Variants in BCR observed in about 807,000 individuals in gnomAD.
BCR encodes breakpoint cluster region protein.
A neutral mutation model predicts 138.6 loss-of-function variants in BCR; 58 were observed. That is an observed-to-expected ratio of 0.42 (90% CI 0.34 to 0.52). The LOEUF is 0.52. BCR is among the 20% of genes least tolerant of loss of function. The probability of loss-of-function intolerance (pLI) is 0.06; values close to 1 mark genes in which losing one functional copy is unlikely to be tolerated. For synonymous variants in BCR, 786 were observed against 730.1 expected (o/e 1.08, Z -1.23); for missense variants, 1,599 against 1,727.2 (o/e 0.93, Z 1.32).
At chr22:23,287,669 G>A (rs7291469) in intron 11 of BCR, among the ~76,000 whole-genome samples, 36,560 of 152,186 alleles carry the variant, frequency 0.24, 4,838 homozygotes, top group African/African-American at 0.32. Flanking sequence ...ATACATGTCT[G>A]TCAATGTCCA....
chr22:23,261,402 G>A lies in BCR; in HGVS notation c.1614G>A (p.Leu538=), dbSNP rs1162385015. ...KAAATTSQPV[L]TSQQIETIFF... is the part of the protein sequence containing the mutation. ...CTGCCACCACCTCTCAGCCGGTGCT[G>A]ACGAGTCAGCAGATCGAGACCATCT... Residue 538 remains leucine (L), a synonymous_variant, in exon 4 of 23, where the codon CTG becomes CTA. Transcript: ENST00000305877. 2 of 1,613,838 alleles carry A rather than the reference G, an allele frequency of 1.2e-6. No homozygotes were observed. The highest frequency in any genetic ancestry group is 1.7e-6 in the Non-Finnish European group (2 of 1,179,988).
In BCR at chr22:23,315,458, A is replaced by G. The variant is rs760456701; in HGVS notation, c.3752A>G (p.Gln1251Arg). The change falls in exon 23 of 23, where the codon CAG becomes CGG. Residue 1251 changes from glutamine to arginine, a missense_variant. Physicochemically the swap from Gln to Arg is conservative, Grantham distance 43 (BLOSUM62 1). This residue lies in a region of BCR where 177 missense variants were observed against 226.4 expected (regional missense o/e 0.78). Coordinates refer to ENST00000305877, the MANE Select transcript of BCR (RefSeq NM_004327.4). ...SQVQVLLYFL[Q>R]LEAIPAPDSK... ...GTCCAGGTGCTGCTGTACTTCCTGC[A>G]GCTGGAGGCCATCCCTGCCCCGGAC... 6.3e-5 allele frequency: 102 copies of G among 1,613,296 alleles called. No individual in the cohort carries two copies. Among genetic ancestry groups the G allele is most frequent in the East Asian group, 8.9e-5 (4 of 44,882 alleles).
intron 19 of BCR, 139 bp from the exon 20 acceptor site, chr22:23,312,748 T>C: frequency 1.4e-6 from 1 of 737,600 alleles, no homozygotes; most frequent in Non-Finnish European, 2.3e-6. Flanking sequence ...TTGGGAGGAG[T>C]CAGATGAGCT....
chr22:23,256,298 G>A (rs1310646400), intron 2 of BCR, among the ~76,000 whole-genome samples: 1 of 152,128 alleles, frequency 6.6e-6, no homozygotes, highest in Non-Finnish European at 1.5e-5. Flanking sequence ...AGTCTTTGGG[G>A]TGTCAGTGGA....
chr22:23,261,303 G>A, intron 3 of BCR, 52 bp from the exon 4 acceptor site: 11 of 1,560,252 alleles, frequency 7.1e-6, no homozygotes, highest in Middle Eastern at 1.7e-4. Context: ...CAATGCACCT[G>A]ACGGATGGCA....
intron 20 of BCR, among the ~76,000 whole-genome samples, chr22:23,313,223 C>A (rs1307254963): frequency 6.6e-6 from 1 of 152,200 alleles, no homozygotes; most frequent in African/African-American, 2.4e-5. Flanking sequence ...GGCTCCCTGT[C>A]CCTACTCCTC....
intron 1 of BCR, among the ~76,000 whole-genome samples, chr22:23,201,436 C>G (rs1336714735): frequency 1.3e-5 from 2 of 150,764 alleles, no homozygotes; most frequent in Non-Finnish European, 2.9e-5. Flanking sequence ...GTTTGCTTTT[C>G]TCTTCTCAGT....
At chr22:23,212,954 G>T (rs1286663580) in intron 1 of BCR, among the ~76,000 whole-genome samples, 2 of 152,208 alleles carry the variant, frequency 1.3e-5, no homozygotes, top group Non-Finnish European at 2.9e-5. Context: ...GCTTTAACTT[G>T]ATTCCTGGGA....
chr22:23,182,232 A>G lies in BCR; in HGVS notation c.1272A>G (p.Gly424=), dbSNP rs1185594575. The G allele has an allele frequency of 6.4e-7, 1 of 1,567,912 alleles. No individual in the cohort carries two copies. The highest frequency in any genetic ancestry group is 1.1e-5 in the South Asian group (1 of 88,450). Residue 424 remains glycine (G), a synonymous_variant, in exon 1 of 23, where the codon GGA becomes GGG. Coordinates refer to ENST00000305877, the MANE Select transcript of BCR (RefSeq NM_004327.4). ...ACGATGGCGAGGGCGCCTTCCATGG[A>G]GACGCAGGTGAGTTCCTCACGCCAC... is the stretch of plus-strand genomic sequence containing the variant. ...WPNDGEGAFH[G]DADGSFGTPP... is the part of the protein sequence containing the mutation.
intron 2 of BCR, among the ~76,000 whole-genome samples, chr22:23,260,519 G>T (rs1252194334): frequency 6.6e-6 from 1 of 152,156 alleles, no homozygotes; most frequent in East Asian, 1.9e-4. Context: ...CCCCAGGTGA[G>T]CAGTGGGGAG....
Position 23,315,551 on chromosome 22 carries a change from C to T in BCR, c.*29C>T. The T allele has an allele frequency of 1.9e-6, 3 of 1,599,456 alleles. No homozygotes were observed. The highest frequency in any genetic ancestry group is 2.2e-5 in the East Asian group (1 of 44,808). On this transcript the variant is annotated 3_prime_UTR_variant, in exon 23 of 23. Transcript: ENST00000305877. ...TCCCAGTCCATCTCCTGGAGGCGGA[C>T]AGATGGCCTGGAAACCTCTGGCTAA...
chr22:23,287,050 T>G, intron 10 of BCR, 109 bp from the exon 11 acceptor site: 1 of 1,528,356 alleles, frequency 6.5e-7, no homozygotes, highest in Non-Finnish European at 8.8e-7. Flanking sequence ...AGAGATGGGA[T>G]TCTTGCCCTC....
rs139521523 is a variant in BCR, at chr22:23,191,185, G to A, written c.1279+8946G>A. 2.6e-5 allele frequency among the ~76,000 whole-genome samples: 4 copies of A among 152,208 alleles called. No individual in the cohort carries two copies. In the East Asian group the frequency reaches 7.7e-4, roughly 29 times the overall value. On this transcript the variant is annotated intron_variant, in intron 1 of 22. Transcript: ENST00000305877. ...GCCTCAAACGATCCTTCCCGCCTCG[G>A]CCTCCCGAAGTGCTGGGAATAATTA...
At chr22:23,304,924 G>A (rs749055196) in intron 16 of BCR, among the ~76,000 whole-genome samples, 17 of 152,290 alleles carry the variant, frequency 1.1e-4, no homozygotes, top group Non-Finnish European at 2.5e-4. Flanking sequence ...AGACCAGCCT[G>A]ACCAACATGG....
intron 4 of BCR, among the ~76,000 whole-genome samples, chr22:23,267,609 C>A (rs1394819649): frequency 2.0e-5 from 3 of 152,214 alleles, no homozygotes; most frequent in African/African-American, 7.2e-5. Context: ...CCAGCCCTGA[C>A]CAGTGCATCT....
intron 4 of BCR, among the ~76,000 whole-genome samples, chr22:23,267,832 C>T (rs927236199): frequency 2.0e-5 from 3 of 152,218 alleles, no homozygotes; most frequent in Non-Finnish European, 2.9e-5. Context: ...GCCTTACAGC[C>T]GGTCGGTCTC....
chr22:23,290,458 G>T (rs577172446), intron 14 of BCR, 45 bp downstream of exon 14: 2 of 1,579,622 alleles, frequency 1.3e-6, no homozygotes, highest in African/African-American at 1.3e-5. Flanking sequence ...CCGAGCCAGG[G>T]TCTCCACCCA....
chr22:23,191,760 G>C (rs925336466), intron 1 of BCR, among the ~76,000 whole-genome samples: 2 of 152,140 alleles, frequency 1.3e-5, no homozygotes, highest in African/African-American at 4.8e-5. Context: ...ATTTTTATTT[G>C]CTCAGACCTT....
At chr22:23,281,186 C>T (rs965094181) in intron 8 of BCR, among the ~76,000 whole-genome samples, 1 of 152,242 alleles carries the variant, frequency 6.6e-6, no homozygotes. Context: ...CCCATGGCCC[C>T]GGGGAGCCAA....
Sources: gnomAD v4.1 joint callset for allele counts (sites outside exome capture counted in the v4.1 genomes callset) on GRCh38, gnomAD v4.1.1 for gene constraint, gnomAD v4.1.1 regional missense constraint, MANE v1.5 for transcripts, NCBI Gene and HGNC (gene_info 2026-07-23, HGNC 2026-07-21) for gene names.